The following GYPC variants were observed in gnomAD, a reference collection of about 807,000 sequenced individuals.
The protein encoded by GYPC is glycophorin C (Gerbich blood group).
GYPC carries 14 observed loss-of-function variants against 12.6 expected under a neutral mutation model. The ratio of observed to expected loss-of-function variants is 1.11; its 90% CI spans 0.74 to 1.74. The LOEUF (loss-of-function observed/expected upper bound fraction) is 1.74, where lower values mean the gene tolerates loss of function less well. Ranked by LOEUF, GYPC falls within the 40% of genes most tolerant of loss-of-function variation. GYPC has a pLI of 0.00. For synonymous variants in GYPC, 78 were observed against 62.1 expected, an observed-to-expected ratio of 1.26 and a Z score of -1.20; for missense variants, 225 against 172.1, an observed-to-expected ratio of 1.31 and a Z score of -1.72.
chr2:126,693,910 C>T lies in GYPC; in HGVS notation c.153C>T (p.Thr51=). ...GATGGCCGGATGGCAGAATGGAGAC[C>T]TCCACCCCCACCATAATGGACATTG... ...MSGWPDGRME[T]STPTIMDIVV... Residue 51 remains threonine, a synonymous_variant, in exon 3 of 4, where the codon ACC becomes ACT. Transcript: ENST00000259254. 1 of 1,612,452 alleles carries T rather than the reference C, an allele frequency of 6.2e-7. No individual in the cohort carries two copies. The highest frequency in any genetic ancestry group is 8.5e-7 in the Non-Finnish European group (1 of 1,178,518).
Position 126,696,353 on chromosome 2 carries a change from G to A in GYPC, c.*211G>A. The stretch of plus-strand genomic sequence containing the variant: ...GAGGCCACTCCCAGGGACCCAGGGA[G>A]GCGATGGCCACCCCAGAGGCCACCT... On this transcript the variant is annotated 3_prime_UTR_variant, in exon 4 of 4. Transcript: ENST00000259254. The A allele has an allele frequency of 3.5e-6, 2 of 573,088 alleles. No individual in the cohort carries two copies. Among genetic ancestry groups the A allele is most frequent in the East Asian group, 3.1e-5 (1 of 32,182 alleles). The allele number at this position is 573,088 out of a possible 1,614,324, so 35.5% of individuals were successfully genotyped here. A position where few individuals can be genotyped will look rare whatever the true frequency, so the allele number is the denominator to read the frequency against.
intron 1 of GYPC, among the ~76,000 whole-genome samples, chr2:126,667,601 C>G (rs1490260886): frequency 6.6e-6 from 1 of 151,734 alleles, no homozygotes; most frequent in Non-Finnish European, 1.5e-5. Flanking sequence ...CGGGGTTTCT[C>G]CATGTTGGTC....
At chr2:126,676,473 T>C (rs916154271) in intron 1 of GYPC, among the ~76,000 whole-genome samples, 1 of 152,226 alleles carries the variant, frequency 6.6e-6, no homozygotes, top group Non-Finnish European at 1.5e-5. Flanking sequence ...CTAAGTTAGT[T>C]GACTTTTCTT....
chr2:126,656,343 G>A, intron 1 of GYPC, 31 bp downstream of exon 1: 3 of 1,562,026 alleles, frequency 1.9e-6, no homozygotes, highest in Non-Finnish European at 2.6e-6. Context: ...AGGGTCCTGG[G>A]GACCCACTGG....
intron 1 of GYPC, among the ~76,000 whole-genome samples, chr2:126,672,373 TCACACAGTGCC>T (rs539841503): frequency 2.6e-5 from 4 of 152,168 alleles, no homozygotes; most frequent in African/African-American, 9.6e-5. Flanking sequence ...ATGGGGGGCT[TCACACAGTGCC>T]CAATTTGCAC....
chr2:126,695,928 A>C lies in GYPC; in HGVS notation c.191-18A>C, dbSNP rs940817476. The C allele has an allele frequency of 6.2e-6, 10 of 1,610,690 alleles. No homozygotes were observed. The South Asian group carries it at 8.8e-5, about 14-fold the overall frequency. On this transcript the variant is annotated intron_variant, in intron 3 of 3. Coordinates refer to ENST00000259254, the MANE Select transcript of GYPC (RefSeq NM_002101.5). ...GCCCCTGCCTCAGACTGACCCTTGC[A>C]CCTCTTCCCACCTGCAGGTGTGATT... is the stretch of plus-strand genomic sequence containing the variant.
chr2:126,691,179 C>T (rs1322492898), intron 2 of GYPC, among the ~76,000 whole-genome samples: 1 of 152,210 alleles, frequency 6.6e-6, no homozygotes, highest in African/African-American at 2.4e-5. Context: ...TCAGCAGTCC[C>T]TCCCCAAGGC....
At chr2:126,684,137 G>C (rs1233031350) in intron 1 of GYPC, among the ~76,000 whole-genome samples, 1 of 152,158 alleles carries the variant, frequency 6.6e-6, no homozygotes, top group Non-Finnish European at 1.5e-5. Context: ...GGCAGCCTTG[G>C]GGATTGTTGG....
At chr2:126,664,414 A>G (rs1682624911) in intron 1 of GYPC, among the ~76,000 whole-genome samples, 1 of 152,114 alleles carries the variant, frequency 6.6e-6, no homozygotes, top group South Asian at 2.1e-4. Context: ...TGACTTCCAG[A>G]GAACCTACCA....
intron 1 of GYPC, among the ~76,000 whole-genome samples, chr2:126,674,795 C>CCA (rs202179719): frequency 1.3e-5 from 2 of 151,756 alleles, no homozygotes; most frequent in Non-Finnish European, 2.9e-5. Context: ...CCCACCCCTG[C>CCA]CACACACACA....
chr2:126,691,881 T>C (rs2104807547), intron 2 of GYPC, among the ~76,000 whole-genome samples: 1 of 152,284 alleles, frequency 6.6e-6, no homozygotes, highest in South Asian at 2.1e-4. Flanking sequence ...CAGTTCTGGG[T>C]ATTTGAGCTT....
rs142832712 is a variant in GYPC, at chr2:126,662,464, T to C, written c.49+6152T>C. ...ATTTGCTAGTGATAAAGGGTTAGCT[T>C]TGAAATCTGAGGATGAGGTTTTGGG... On this transcript the variant is annotated intron_variant, in intron 1 of 3. Coordinates refer to ENST00000259254, the MANE Select transcript of GYPC (RefSeq NM_002101.5). Among the ~76,000 whole-genome samples, 71 of 152,290 alleles carry C rather than the reference T, an allele frequency of 4.7e-4. 1 individual carries two copies. In the East Asian group the frequency reaches 0.013, roughly 28 times the overall value.
intron 1 of GYPC, chr2:126,675,827 G>A: frequency 7.1e-6 from 2 of 281,148 alleles, no homozygotes; most frequent in Non-Finnish European, 1.1e-5. Context: ...AAAAGAAAAA[G>A]AGAAAAATAA....
chr2:126,688,395 A>G (rs1683352286), intron 1 of GYPC, among the ~76,000 whole-genome samples: 1 of 152,242 alleles, frequency 6.6e-6, no homozygotes, highest in South Asian at 2.1e-4. Flanking sequence ...ATTCATTTAT[A>G]CATGCATGCA....
intron 1 of GYPC, chr2:126,685,934 T>C: frequency 1.0e-6 from 1 of 985,328 alleles, no homozygotes; most frequent in Non-Finnish European, 1.2e-6. Flanking sequence ...TCTGAAGCCA[T>C]CCTCACTCTC....
At chr2:126,675,193 G>A (rs1345503513) in intron 1 of GYPC, among the ~76,000 whole-genome samples, 1 of 152,136 alleles carries the variant, frequency 6.6e-6, no homozygotes, top group African/African-American at 2.4e-5. Context: ...CCTCCAAGGG[G>A]CTTTCCCAGA....
chr2:126,695,040 G>T (rs576333942), intron 3 of GYPC, among the ~76,000 whole-genome samples: 1 of 152,156 alleles, frequency 6.6e-6, no homozygotes, highest in Non-Finnish European at 1.5e-5. Context: ...TCCTTTGTGT[G>T]GCCAAGTCCT....
chr2:126,665,087 C>T (rs1236961521), intron 1 of GYPC, among the ~76,000 whole-genome samples: 1 of 152,166 alleles, frequency 6.6e-6, no homozygotes, highest in East Asian at 1.9e-4. Context: ...TGTCTTTGCC[C>T]TATTTCATTA....
chr2:126,692,125 G>A (rs774341865), intron 2 of GYPC, among the ~76,000 whole-genome samples: 3 of 152,114 alleles, frequency 2.0e-5, no homozygotes, highest in Admixed American at 1.3e-4. Context: ...ACTTGAACTT[G>A]CTACGGCCCT....
Sources: gnomAD v4.1 joint callset for allele counts (sites outside exome capture counted in the v4.1 genomes callset) on GRCh38, gnomAD v4.1.1 for gene constraint, MANE v1.5 for transcripts, NCBI Gene and HGNC (gene_info 2026-07-23, HGNC 2026-07-21) for gene names.